GRID1: variants seen among roughly 807,000 people sequenced by gnomAD.
GRID1 encodes glutamate receptor ionotropic, delta-1.
GRID1 carries 28 observed loss-of-function variants against 98.0 expected under a neutral mutation model. That is an observed-to-expected ratio of 0.29 (90% confidence interval 0.21 to 0.39). GRID1 has a LOEUF of 0.39. GRID1 is among the 10% of genes least tolerant of loss of function. The probability of loss-of-function intolerance (pLI) is 1.00; values close to 1 mark genes in which losing one functional copy is unlikely to be tolerated. For synonymous variants in GRID1, 553 were observed against 538.5 expected, an observed-to-expected ratio of 1.03 and a Z score of -0.37; for missense variants, 1,111 against 1,340.5, an observed-to-expected ratio of 0.83 and a Z score of 2.67.
At chr10:85,932,960 T>C (rs1425233778) in intron 4 of GRID1, among the ~76,000 whole-genome samples, 1 of 152,206 alleles carries the variant, frequency 6.6e-6, no homozygotes, top group Non-Finnish European at 1.5e-5. Flanking sequence ...GAACTTGCTA[T>C]GGTTCGAATG....
intron 13 of GRID1, among the ~76,000 whole-genome samples, chr10:85,625,097 T>G (rs1384860009): frequency 6.6e-6 from 1 of 152,260 alleles, no homozygotes; most frequent in East Asian, 1.9e-4. Context: ...TACTGTTGTG[T>G]GTACATGTGA....
chr10:85,696,637 A>C (rs1590193939), intron 12 of GRID1, among the ~76,000 whole-genome samples: 1 of 152,002 alleles, frequency 6.6e-6, no homozygotes, highest in African/African-American at 2.4e-5. Context: ...AGCTTTGCTA[A>C]TTTTCGATGT....
chr10:86,206,305 C>T lies in GRID1; in HGVS notation c.520+59G>A. 1 of 1,526,158 alleles carries T rather than the reference C, an allele frequency of 6.6e-7. No individual in the cohort carries two copies. Among genetic ancestry groups the T allele is most frequent in the East Asian group, 2.3e-5 (1 of 44,120 alleles). 94.5% of individuals were successfully genotyped at this position (1,526,158 alleles called of 1,614,324 possible). A position where few individuals can be genotyped will look rare whatever the true frequency, so the allele number is the denominator to read the frequency against. On this transcript the variant is annotated intron_variant, in intron 3 of 15. Coordinates refer to ENST00000327946, the MANE Select transcript of GRID1 (RefSeq NM_017551.3). This position sits in a 1 kb window ranked among gnomAD's most constrained non-coding sequence, Gnocchi z 4.1. ...CAGGGCCCCACCCACTCTCAGGTCT[C>T]CCAGCATCTGGCCATCCCTGTCCCC...
chr10:85,816,173 A>G (rs1211197315), intron 8 of GRID1, among the ~76,000 whole-genome samples: 1 of 152,172 alleles, frequency 6.6e-6, no homozygotes, highest in African/African-American at 2.4e-5. Flanking sequence ...TTCTACTTCA[A>G]GGTATACATC....
At chr10:86,336,094 C>T (rs1014486718) in intron 2 of GRID1, among the ~76,000 whole-genome samples, 1 of 152,232 alleles carries the variant, frequency 6.6e-6, no homozygotes, top group Non-Finnish European at 1.5e-5. Flanking sequence ...GCAGGGGCTG[C>T]TCCACTCCAC....
chr10:85,758,994 T>C (rs1174053834), intron 8 of GRID1, among the ~76,000 whole-genome samples: 1 of 152,216 alleles, frequency 6.6e-6, no homozygotes, highest in Admixed American at 6.5e-5. Flanking sequence ...ACTTGCCTTG[T>C]AGAATTGTTG....
intron 4 of GRID1, among the ~76,000 whole-genome samples, chr10:85,940,272 T>C (rs1305770084): frequency 1.3e-5 from 2 of 152,172 alleles, no homozygotes; most frequent in African/African-American, 4.8e-5. Context: ...TCCAACACTC[T>C]GCTCTTATTT....
At chr10:85,900,077 A>G (rs908327476) in intron 5 of GRID1, among the ~76,000 whole-genome samples, 35 of 152,200 alleles carry the variant, frequency 2.3e-4, no homozygotes, top group African/African-American at 8.4e-4. Flanking sequence ...ACCCTCAAAC[A>G]TCCCTTAAGA....
chr10:86,216,276 C>T (rs1205309976), intron 2 of GRID1, among the ~76,000 whole-genome samples: 3 of 152,226 alleles, frequency 2.0e-5, no homozygotes, highest in African/African-American at 7.2e-5. Context: ...TGTGTATCTT[C>T]AGGGTCAGGG....
intron 12 of GRID1, 166 bp from the exon 13 acceptor site, chr10:85,647,563 G>C (rs1037879608): frequency 1.6e-6 from 1 of 612,166 alleles, no homozygotes; most frequent in Admixed American, 2.8e-5. Context: ...CCCAGAGTGG[G>C]ACTTGCAGCG....
chr10:86,197,641 C>G (rs1442767006), intron 3 of GRID1, among the ~76,000 whole-genome samples: 1 of 152,036 alleles, frequency 6.6e-6, no homozygotes, highest in Non-Finnish European at 1.5e-5. Flanking sequence ...TCCCTCAACT[C>G]CAGCAGGACC....
chr10:86,214,916 T>C (rs1047584297), intron 2 of GRID1, among the ~76,000 whole-genome samples: 11 of 152,196 alleles, frequency 7.2e-5, no homozygotes, highest in Non-Finnish European at 1.5e-4. Flanking sequence ...TAAGCACAAC[T>C]GGAGTCCAGA....
intron 2 of GRID1, among the ~76,000 whole-genome samples, chr10:86,232,504 C>T (rs2814330): frequency 1.8e-4 from 27 of 152,218 alleles, no homozygotes; most frequent in Non-Finnish European, 3.5e-4. Flanking sequence ...ATTTCCCACC[C>T]ATCCTGAACC....
chr10:85,724,869 T>G (rs1364247625), intron 10 of GRID1, among the ~76,000 whole-genome samples, 193 bp from the exon 11 acceptor site: 1 of 152,224 alleles, frequency 6.6e-6, no homozygotes, highest in Non-Finnish European at 1.5e-5. Flanking sequence ...TCCTTCACCT[T>G]ACAAGTCTCT....
intron 12 of GRID1, among the ~76,000 whole-genome samples, chr10:85,682,042 G>A (rs1229092733): frequency 2.0e-5 from 3 of 151,964 alleles, no homozygotes; most frequent in Non-Finnish European, 4.4e-5. Context: ...AACAGATCCT[G>A]GATAATAAGA....
At chr10:86,066,038 G>A (rs1439208054) in intron 4 of GRID1, among the ~76,000 whole-genome samples, 1 of 152,188 alleles carries the variant, frequency 6.6e-6, no homozygotes, top group East Asian at 1.9e-4. Context: ...TTCCTGAGTA[G>A]TCACTTAGCT....
rs116173975 is a variant in GRID1, at chr10:85,777,180, T to G, written c.1234-47566A>C. 2.3e-3 allele frequency among the ~76,000 whole-genome samples: 357 copies of G among 152,220 alleles called. 3 individuals carry two copies. The highest frequency in any genetic ancestry group is 8.4e-3 in the African/African-American group (347 of 41,514). ...CAACCATGCCCTCTGCCCTAATAAGTGGGCATCTAAATCAGGGAGGTGGGG... is the reference window on the plus strand; with the variant it reads ...CAACCATGCCCTCTGCCCTAATAAGGGGGCATCTAAATCAGGGAGGTGGGG... On this transcript the variant is annotated intron_variant, in intron 8 of 15. Transcript: ENST00000327946.
intron 5 of GRID1, among the ~76,000 whole-genome samples, chr10:85,905,670 G>A (rs1170160767): frequency 6.6e-6 from 1 of 152,070 alleles, no homozygotes; most frequent in Admixed American, 6.5e-5. Flanking sequence ...TATATGTGGT[G>A]TAGTATAATA....
intron 2 of GRID1, among the ~76,000 whole-genome samples, chr10:86,329,475 C>A (rs1476703226): frequency 6.6e-6 from 1 of 152,212 alleles, no homozygotes; most frequent in Non-Finnish European, 1.5e-5. Context: ...GGACCAGAGC[C>A]TGAGAAGGGC....
Sources: allele counts gnomAD v4.1 joint callset (sites outside exome capture counted in the v4.1 genomes callset), GRCh38; gene constraint gnomAD v4.1.1; non-coding constraint Gnocchi (gnomAD v3.1); transcripts MANE v1.5; gene names NCBI Gene and HGNC (gene_info 2026-07-23, HGNC 2026-07-21).